Variants in TIMP3 observed in about 807,000 individuals in gnomAD.
TIMP3 encodes the protein TIMP metallopeptidase inhibitor 3.
Under a neutral mutation model 30.0 loss-of-function variants are expected in TIMP3, and 11 were observed. The ratio of observed to expected loss-of-function variants is 0.37; its 90% CI spans 0.23 to 0.61. The LOEUF (loss-of-function observed/expected upper bound fraction) is 0.61. Ranked by LOEUF, TIMP3 falls within the 20% of genes least tolerant of loss-of-function variation. The pLI, the probability that TIMP3 is intolerant of heterozygous loss-of-function variation, is 0.70. For missense variants in TIMP3, 181 were observed against 276.8 expected (o/e 0.65, Z 2.45); for synonymous variants, 112 against 111.3 (o/e 1.01, Z -0.04).
At position 32,861,498 on chromosome 22, in the gene TIMP3, A is replaced by T. The variant is rs1471254314; in HGVS notation, c.*2121A>T. 1 of 152,194 alleles carries T rather than the reference A, an allele frequency of 6.6e-6. No homozygotes were observed. The highest frequency in any genetic ancestry group is 1.5e-5 in the Non-Finnish European group (1 of 68,040). 9.4% of individuals were successfully genotyped at this position (152,194 alleles called of 1,614,324 possible). A position where few individuals can be genotyped will look rare whatever the true frequency, so the allele number is the denominator to read the frequency against. On this transcript the variant is annotated 3_prime_UTR_variant, in exon 5 of 5. Transcript: ENST00000266085. ...AAGGTCTCGCATGGTGGGGCCCCTGACCAACCTACACAAGTTCCCTCCCAC... is the reference window on the plus strand; with the variant it reads ...AAGGTCTCGCATGGTGGGGCCCCTGTCCAACCTACACAAGTTCCCTCCCAC...
rs1341232615 is a variant in TIMP3, at chr22:32,857,337, A to G, written c.293A>G (p.Asn98Ser). 1 of 1,614,062 alleles carries G rather than the reference A, an allele frequency of 6.2e-7. No individual in the cohort carries two copies. Among genetic ancestry groups the G allele is most frequent in the African/African-American group, 1.3e-5 (1 of 75,050 alleles). Residue 98 changes from asparagine to serine, a missense_variant, in exon 3 of 5, where the codon AAC becomes AGC. Coordinates refer to ENST00000266085, the MANE Select transcript of TIMP3 (RefSeq NM_000362.5). The part of the protein sequence containing the change: ...ESLCGLKLEV[N>S]KYQYLLTGRV... ...CTCTGTGGCCTTAAGCTGGAGGTCA[A>G]CAAGTACCAGTACCTGCTGACAGGT...
intron 1 of TIMP3, among the ~76,000 whole-genome samples, chr22:32,831,865 CA>C (rs537524516): frequency 2.6e-5 from 4 of 151,894 alleles, no homozygotes; most frequent in African/African-American, 7.3e-5. Flanking sequence ...CAACCTCCAC[CA>C]AAAAAAGACA....
chr22:32,831,389 G>GTT (rs2047569143), intron 1 of TIMP3, among the ~76,000 whole-genome samples: 1 of 152,146 alleles, frequency 6.6e-6, no homozygotes, highest in Non-Finnish European at 1.5e-5. Flanking sequence ...GATATCCTCT[G>GTT]AAGAGTCTAC....
At chr22:32,826,257 C>A (rs952005672) in intron 1 of TIMP3, among the ~76,000 whole-genome samples, 3 of 151,984 alleles carry the variant, frequency 2.0e-5, no homozygotes, top group African/African-American at 7.3e-5. Flanking sequence ...GGTGAAACTC[C>A]ATCTCTACTA....
intron 1 of TIMP3, among the ~76,000 whole-genome samples, chr22:32,845,929 A>C (rs763659350): frequency 6.6e-6 from 1 of 152,222 alleles, no homozygotes; most frequent in African/African-American, 2.4e-5. Flanking sequence ...CACACATTTG[A>C]ATTACAGAGG....
At chr22:32,859,148 T>A in intron 4 of TIMP3, 32 bp from the exon 5 acceptor site, 1 of 1,609,806 alleles carries the variant, frequency 6.2e-7, no homozygotes, top group Non-Finnish European at 8.5e-7. Context: ...CATGGCAGAG[T>A]CCATCAACTG....
intron 1 of TIMP3, among the ~76,000 whole-genome samples, chr22:32,846,258 A>G (rs1233667472): frequency 6.6e-6 from 1 of 152,128 alleles, no homozygotes; most frequent in Non-Finnish European, 1.5e-5. Flanking sequence ...CCTGATCCCA[A>G]AATACCTCCT....
At chr22:32,850,674 C>T (rs2048192938) in intron 2 of TIMP3, among the ~76,000 whole-genome samples, 1 of 152,158 alleles carries the variant, frequency 6.6e-6, no homozygotes, top group South Asian at 2.1e-4. Context: ...CTGAGGTCCA[C>T]AGGAACTGTC....
chr22:32,825,162 T>C (rs1453098165), intron 1 of TIMP3, among the ~76,000 whole-genome samples: 1 of 151,958 alleles, frequency 6.6e-6, no homozygotes, highest in Non-Finnish European at 1.5e-5. Context: ...GGGGGAGGGA[T>C]GGGTGAGCTC....
chr22:32,857,307 A>C lies in TIMP3; in HGVS notation c.263A>C (p.Glu88Ala). 1 of 1,614,094 alleles carries C rather than the reference A, an allele frequency of 6.2e-7. No individual in the cohort carries two copies. Among genetic ancestry groups the C allele is most frequent in the South Asian group, 1.1e-5 (1 of 91,056 alleles). Reference protein sequence around the residue: ...HVQYIHTEASESLCGLKLEVN... With the variant: ...HVQYIHTEASASLCGLKLEVN... ...CAGTACATCCATACGGAAGCTTCCG[A>C]GAGTCTCTGTGGCCTTAAGCTGGAG... The change falls in exon 3 of 5, where the codon GAG (glutamate) becomes GCG (alanine). Residue 88 changes from glutamate (E) to alanine (A), a missense_variant. Physicochemically the swap from Glu to Ala is moderately radical, Grantham distance 107. This residue lies in a region of TIMP3 where 63 missense variants were observed against 133.3 expected (regional missense o/e 0.47). Transcript: ENST00000266085.
intron 1 of TIMP3, among the ~76,000 whole-genome samples, chr22:32,808,381 G>A (rs2046822320): frequency 6.6e-6 from 1 of 152,150 alleles, no homozygotes; most frequent in African/African-American, 2.4e-5. Flanking sequence ...GCAGTGGGAT[G>A]GTCACAAGGA....
At chr22:32,812,452 G>A (rs1053617876) in intron 1 of TIMP3, among the ~76,000 whole-genome samples, 3 of 152,178 alleles carry the variant, frequency 2.0e-5, no homozygotes, top group Non-Finnish European at 4.4e-5. Context: ...AGACTTAGTC[G>A]ATGGCTAGAA....
rs143319360 is a variant in TIMP3 at position 32,810,155 on chromosome 22, G to C, written c.121+8033G>C. The stretch of plus-strand genomic sequence containing the variant: ...TGACAGGAGGCCCACAGGTGTCTAT[G>C]TGGGCTGCAGTGGAACTAAGAGGTC... On this transcript the variant is annotated intron_variant, in intron 1 of 4. Transcript: ENST00000266085. Among the ~76,000 whole-genome samples the C allele has an allele frequency of 6.3e-3, 961 of 152,354 alleles. 12 individuals carry two copies. Among genetic ancestry groups the C allele is most frequent in the African/African-American group, 0.02 (842 of 41,586 alleles).
At chr22:32,845,084 G>T (rs1047486329) in intron 1 of TIMP3, among the ~76,000 whole-genome samples, 1 of 152,054 alleles carries the variant, frequency 6.6e-6, no homozygotes, top group Non-Finnish European at 1.5e-5. Context: ...CTCTTCCTAA[G>T]AGCAAAAGAA....
At chr22:32,807,497 T>G (rs1418782945) in intron 1 of TIMP3, among the ~76,000 whole-genome samples, 1 of 144,618 alleles carries the variant, frequency 6.9e-6, no homozygotes, top group East Asian at 2.0e-4. Context: ...AAGTATAGAG[T>G]GATTACTATG....
intron 1 of TIMP3, among the ~76,000 whole-genome samples, chr22:32,822,466 C>T (rs563112391): frequency 2.0e-5 from 3 of 152,300 alleles, no homozygotes; most frequent in Admixed American, 1.3e-4. Flanking sequence ...ACTGGTGTGA[C>T]GTCTGGGGAG....
At chr22:32,819,793 G>C (rs539595503) in intron 1 of TIMP3, among the ~76,000 whole-genome samples, 3 of 152,206 alleles carry the variant, frequency 2.0e-5, no homozygotes, top group Non-Finnish European at 4.4e-5. Context: ...CATCCATAGA[G>C]TATATTAACT....
At chr22:32,814,217 AG>A (rs2047005979) in intron 1 of TIMP3, among the ~76,000 whole-genome samples, 2 of 142,334 alleles carry the variant, frequency 1.4e-5, no homozygotes, top group African/African-American at 2.8e-5. Flanking sequence ...AAACAAAGAA[AG>A]GAAAGAAAGA....
At chr22:32,855,050 A>C (rs1231091975) in intron 2 of TIMP3, among the ~76,000 whole-genome samples, 2 of 152,234 alleles carry the variant, frequency 1.3e-5, no homozygotes, top group Non-Finnish European at 2.9e-5. Context: ...ACTGTAGGTA[A>C]ATTAATACCA....
Sources: gnomAD v4.1 joint callset for allele counts (sites outside exome capture counted in the v4.1 genomes callset) on GRCh38, gnomAD v4.1.1 for gene constraint, gnomAD v4.1.1 regional missense constraint, MANE v1.5 for transcripts, NCBI Gene and HGNC (gene_info 2026-07-23, HGNC 2026-07-21) for gene names.